Variants in DNAH5 observed in about 807,000 individuals in gnomAD.
The protein encoded by DNAH5 is dynein axonemal heavy chain 5.
DNAH5 carries 372 observed loss-of-function variants against 518.2 expected under a neutral mutation model. That is an observed-to-expected ratio of 0.72 (90% CI 0.66 to 0.78). The LOEUF is 0.78. Among genes scored for constraint, DNAH5 ranks in the 30% least tolerant of loss-of-function variants. The probability of loss-of-function intolerance (pLI) is 0.00; values close to 1 mark genes in which losing one functional copy is unlikely to be tolerated. For synonymous variants in DNAH5, 2,039 were observed against 2,025.9 expected (o/e 1.01, Z -0.17); for missense variants, 5,523 against 5,687.0 (o/e 0.97, Z 0.93).
intron 1 of DNAH5, among the ~76,000 whole-genome samples, chr5:13,991,361 A>C (rs1783526343): frequency 6.6e-6 from 1 of 152,160 alleles, no homozygotes; most frequent in African/African-American, 2.4e-5. Context: ...CCTGCTTAGT[A>C]CTGGGTTGAG....
chr5:13,975,664 T>A (rs1039756709), intron 1 of DNAH5, among the ~76,000 whole-genome samples: 18 of 152,194 alleles, frequency 1.2e-4, no homozygotes, highest in Non-Finnish European at 5.9e-5. Flanking sequence ...TATATAAAAT[T>A]CTGTTTTGCA....
chr5:13,736,271 C>G (rs1323324253), intron 66 of DNAH5, among the ~76,000 whole-genome samples: 2 of 152,146 alleles, frequency 1.3e-5, no homozygotes, highest in African/African-American at 2.4e-5. Flanking sequence ...AGCGAGGTAG[C>G]CATTAGGGAC....
intron 78 of DNAH5, among the ~76,000 whole-genome samples, chr5:13,694,707 TAGAG>T (rs1407379952): frequency 2.6e-5 from 4 of 152,230 alleles, no homozygotes; most frequent in African/African-American, 4.8e-5. Flanking sequence ...AATCGTTACA[TAGAG>T]AGTCTCTATA....
rs1561057060 is a variant in DNAH5 at position 13,691,694 on chromosome 5, GAAGT to G, written c.*286_*289del. On this transcript the variant is annotated 3_prime_UTR_variant, in exon 79 of 79. Transcript: ENST00000265104. ...GCTTACCCTAGTCAGTCTTCGGAGC[GAAGT>G]AAGAAGAAAATATACTACTGTGGAT... 2.6e-6 allele frequency: 1 copy of G among 385,346 alleles called. No homozygotes were observed. Among genetic ancestry groups the G allele is most frequent in the East Asian group, 5.7e-5 (1 of 17,568 alleles). 23.9% of individuals were successfully genotyped at this position (385,346 alleles called of 1,614,324 possible). A position where few individuals can be genotyped will look rare whatever the true frequency, so the allele number is the denominator to read the frequency against.
intron 1 of DNAH5, among the ~76,000 whole-genome samples, chr5:13,952,579 C>A (rs1447690600): frequency 1.3e-5 from 2 of 152,130 alleles, no homozygotes; most frequent in Non-Finnish European, 2.9e-5. Flanking sequence ...ATATGTCTTA[C>A]CCATGACTGT....
intron 38 of DNAH5, among the ~76,000 whole-genome samples, chr5:13,825,693 A>G (rs571645082): frequency 6.6e-6 from 1 of 152,326 alleles, no homozygotes; most frequent in African/African-American, 2.4e-5. Context: ...AATGATGGTT[A>G]CCAGGAGCTA....
In DNAH5 at chr5:13,928,137, T is replaced by C; in HGVS notation, c.234A>G (p.Arg78=). The change falls in exon 3 of 79, where the codon CGA becomes CGG. Residue 78 remains arginine, a synonymous_variant. Coordinates refer to ENST00000265104, the MANE Select transcript of DNAH5 (RefSeq NM_001369.3). ...IDQLFAVGGL[R]HLMFYYQDVE... Reference sequence around the variant, plus strand: ...CATCTTGATAGTAAAACATGAGGTGTCGGAGACCTCCAACAGCAAAAAGTT... The same window carrying C: ...CATCTTGATAGTAAAACATGAGGTGCCGGAGACCTCCAACAGCAAAAAGTT... 16 of 1,613,960 alleles carry C rather than the reference T, an allele frequency of 9.9e-6. No individual in the cohort carries two copies. Among genetic ancestry groups the C allele is most frequent in the Non-Finnish European group, 1.4e-5 (16 of 1,179,930 alleles).
rs747433057 is a variant in DNAH5, at chr5:13,850,758, G to A, written c.5008C>T (p.His1670Tyr). 1.9e-6 allele frequency: 3 copies of A among 1,614,150 alleles called. No homozygotes were observed. In the South Asian group the frequency reaches 3.3e-5, roughly 18 times the overall value. The stretch of plus-strand genomic sequence containing the variant: ...CACTGGACTACACTGGGCACTTCAT[G>A]TGCCCGAGTCATGATCTTCACCCAA... ...KSWVKIMTRA[H>Y]EVPSVVQCCV... Residue 1670 changes from histidine to tyrosine, a missense_variant, in exon 31 of 79, where the codon CAT (histidine) becomes TAT (tyrosine). By Grantham distance (83) the His-to-Tyr change is moderately conservative. Transcript: ENST00000265104.
intron 70 of DNAH5, among the ~76,000 whole-genome samples, chr5:13,722,103 G>T (rs1325124714): frequency 6.6e-6 from 1 of 152,104 alleles, no homozygotes; most frequent in African/African-American, 2.4e-5. Flanking sequence ...ACATAACTTA[G>T]GCGTGGGTGC....
intron 1 of DNAH5, among the ~76,000 whole-genome samples, chr5:13,987,580 C>T (rs986965785): frequency 6.6e-6 from 1 of 152,186 alleles, no homozygotes; most frequent in Non-Finnish European, 1.5e-5. Flanking sequence ...TTGCCAGGCA[C>T]AGTGGCTCAC....
chr5:13,814,519 C>T lies in DNAH5; in HGVS notation c.7230+86G>A. Reference sequence around the variant, plus strand: ...CATAAAAATGCAGTTACACTGCCATCTGCAGAAAAATTGGCACACACACTA... The same window carrying T: ...CATAAAAATGCAGTTACACTGCCATTTGCAGAAAAATTGGCACACACACTA... On this transcript the variant is annotated intron_variant, in intron 43 of 78. Transcript: ENST00000265104. The T allele has an allele frequency of 2.2e-6, 3 of 1,378,142 alleles. No homozygotes were observed. In the East Asian group the frequency reaches 6.9e-5, roughly 32 times the overall value. The allele number at this position is 1,378,142 out of a possible 1,614,324, so 85.4% of individuals were successfully genotyped here.
chr5:13,859,780 T>C (rs1768134969), intron 29 of DNAH5, among the ~76,000 whole-genome samples, 175 bp from the exon 30 acceptor site: 1 of 152,180 alleles, frequency 6.6e-6, no homozygotes, highest in Non-Finnish European at 1.5e-5. Flanking sequence ...TACTGTTCAT[T>C]GTTAGTCTAG....
intron 50 of DNAH5, among the ~76,000 whole-genome samples, chr5:13,790,699 G>A (rs774992170): frequency 2.6e-5 from 4 of 152,056 alleles, no homozygotes; most frequent in Non-Finnish European, 2.9e-5. Context: ...CTTCCTCTTC[G>A]TTTTCCACCA....
intron 31 of DNAH5, among the ~76,000 whole-genome samples, chr5:13,849,352 A>G (rs1472083407): frequency 6.6e-6 from 1 of 152,228 alleles, no homozygotes; most frequent in Admixed American, 6.5e-5. Flanking sequence ...CCATTCCCTT[A>G]GTTCCCTGAA....
At chr5:13,825,346 A>AAAATAAATAAATAAATAAATAAATAAAT (rs143083505) in intron 38 of DNAH5, among the ~76,000 whole-genome samples, 1 of 150,508 alleles carries the variant, frequency 6.6e-6, no homozygotes, top group Non-Finnish European at 1.5e-5. Context: ...TGTCTTGCAA[A>AAAATAAATAAATAAATAAATAAATAAAT]AAATAAATAA....
chr5:13,719,128 G>C, intron 71 of DNAH5, 27 bp from the exon 72 acceptor site: 1 of 1,573,980 alleles, frequency 6.4e-7, no homozygotes, highest in Non-Finnish European at 8.7e-7. Flanking sequence ...ACGGAAATTA[G>C]GTAGTTTTGT....
intron 1 of DNAH5, among the ~76,000 whole-genome samples, chr5:13,963,995 C>T (rs1781365778): frequency 6.6e-6 from 1 of 152,166 alleles, no homozygotes; most frequent in East Asian, 1.9e-4. Context: ...TTCAACATAC[C>T]TTCTAAACAA....
At chr5:13,978,333 G>A (rs1199286812) in intron 1 of DNAH5, among the ~76,000 whole-genome samples, 1 of 152,150 alleles carries the variant, frequency 6.6e-6, no homozygotes, top group Non-Finnish European at 1.5e-5. Flanking sequence ...CTTCCAGTAC[G>A]GGAGATTACC....
intron 1 of DNAH5, among the ~76,000 whole-genome samples, chr5:13,970,348 C>A (rs1268779130): frequency 6.6e-6 from 1 of 151,794 alleles, no homozygotes; most frequent in Non-Finnish European, 1.5e-5. Context: ...TGCCTGAATA[C>A]CTCATTGGTT....
Sources: allele counts gnomAD v4.1 joint callset (sites outside exome capture counted in the v4.1 genomes callset), GRCh38; gene constraint gnomAD v4.1.1; transcripts MANE v1.5; gene names NCBI Gene and HGNC (gene_info 2026-07-23, HGNC 2026-07-21).